MYZAP: variants seen among roughly 807,000 people sequenced by gnomAD.
MYZAP encodes the protein GRINL1A complex locus upstream.
Under a neutral mutation model 69.4 loss-of-function variants are expected in MYZAP, and 66 were observed. That is an observed-to-expected ratio of 0.95 (90% CI 0.78 to 1.17). The LOEUF (loss-of-function observed/expected upper bound fraction) is 1.17, where lower values mean the gene tolerates loss of function less well. Among genes scored for constraint, MYZAP ranks in the 50% most tolerant of loss-of-function variants. The pLI is 0.00. For synonymous variants in MYZAP, 256 were observed against 205.9 expected, an observed-to-expected ratio of 1.24 and a Z score of -2.09; for missense variants, 611 against 556.2, an observed-to-expected ratio of 1.10 and a Z score of -0.99.
chr15:57,675,716 C>T (rs2039082991), intron 12 of MYZAP, among the ~76,000 whole-genome samples: 4 of 152,146 alleles, frequency 2.6e-5, no homozygotes, highest in South Asian at 2.1e-4. Flanking sequence ...TCCATGCTTG[C>T]GTCTCTTCCT....
intron 9 of MYZAP, 88 bp from the exon 10 acceptor site, chr15:57,639,352 G>T: frequency 7.1e-7 from 1 of 1,405,624 alleles, no homozygotes. Context: ...TGGCGCTCTT[G>T]GCAATATTCT....
chr15:57,624,914 A>G (rs2036036100), intron 4 of MYZAP, among the ~76,000 whole-genome samples: 1 of 152,160 alleles, frequency 6.6e-6, no homozygotes, highest in Non-Finnish European at 1.5e-5. Flanking sequence ...CCCAGAGGCC[A>G]CATGGGGGGC....
chr15:57,632,271 C>T (rs2036550107), intron 6 of MYZAP, among the ~76,000 whole-genome samples, 163 bp from the exon 7 acceptor site: 1 of 152,220 alleles, frequency 6.6e-6, no homozygotes, highest in Non-Finnish European at 1.5e-5. Context: ...CTGCTCACCC[C>T]TCTTCCTCCC....
At chr15:57,677,656 T>A (rs2039208884) in intron 12 of MYZAP, among the ~76,000 whole-genome samples, 1 of 152,222 alleles carries the variant, frequency 6.6e-6, no homozygotes, top group Non-Finnish European at 1.5e-5. Flanking sequence ...AAGCATTGAA[T>A]TAAGCCTGAG....
intron 10 of MYZAP, chr15:57,647,217 G>A (rs2037488940): frequency 4.1e-6 from 4 of 985,444 alleles, no homozygotes; most frequent in Non-Finnish European, 4.8e-6. Context: ...GGATGGGAAA[G>A]AAGCAGATGA....
chr15:57,682,885 A>G (rs924496246), intron 12 of MYZAP, among the ~76,000 whole-genome samples: 1 of 152,098 alleles, frequency 6.6e-6, no homozygotes, highest in Admixed American at 6.5e-5. Flanking sequence ...GCATCCTTCA[A>G]GATTCACCTT....
chr15:57,599,562 C>T, intron 1 of MYZAP: 2 of 1,284,472 alleles, frequency 1.6e-6, no homozygotes, highest in South Asian at 1.2e-5. Flanking sequence ...ATAACACAAG[C>T]CCTGAACCAG....
At position 57,632,463 on chromosome 15, in the gene MYZAP, G is replaced by C; in HGVS notation, c.708G>C (p.Glu236Asp). Residue 236 changes from glutamate to aspartate, a missense_variant, in exon 7 of 13, where the codon GAG becomes GAC. Transcript: ENST00000267853. ...AATCGTCCCAAGAAGCCAATGCTGA[G>C]GTGATGCGAGAGATGACCAAGAAGC... ...KVESSQEANA[E>D]VMREMTKKLY... 1 of 1,614,194 alleles carries C rather than the reference G, an allele frequency of 6.2e-7. No individual in the cohort carries two copies. Among genetic ancestry groups the C allele is most frequent in the Non-Finnish European group, 8.5e-7 (1 of 1,180,026 alleles).
At chr15:57,682,404 A>C (rs942527768) in intron 12 of MYZAP, among the ~76,000 whole-genome samples, 1 of 152,008 alleles carries the variant, frequency 6.6e-6, no homozygotes, top group African/African-American at 2.4e-5. Context: ...TGTCTTAGTC[A>C]CCTAATCCTG....
chr15:57,662,313 C>T (rs559688534), intron 11 of MYZAP, among the ~76,000 whole-genome samples: 4 of 152,296 alleles, frequency 2.6e-5, no homozygotes, highest in East Asian at 3.9e-4. Flanking sequence ...CTGTGTTCCT[C>T]GTTATAGTCC....
At chr15:57,629,088 C>CAAAAAAAAAAAAAAAA (rs1274144448) in intron 5 of MYZAP, among the ~76,000 whole-genome samples, 51 of 115,070 alleles carry the variant, frequency 4.4e-4, no homozygotes, top group East Asian at 1.1e-3. Flanking sequence ...GTCTCAAAAA[C>CAAAAAAAAAAAAAAAA]AAAAAAAAAA....
intron 2 of MYZAP, 85 bp from the exon 3 acceptor site, chr15:57,617,948 A>G (rs2035576510): frequency 6.7e-7 from 1 of 1,502,710 alleles, no homozygotes; most frequent in African/African-American, 1.4e-5. Context: ...AATTTGCATA[A>G]TCATACACAG....
At chr15:57,670,757 G>C (rs1006618124) in intron 11 of MYZAP, among the ~76,000 whole-genome samples, 1 of 151,758 alleles carries the variant, frequency 6.6e-6, no homozygotes, top group Admixed American at 6.6e-5. Flanking sequence ...CATTTTTGCT[G>C]TGTCTCTTTT....
At chr15:57,657,205 G>A (rs1310189382) in intron 10 of MYZAP, among the ~76,000 whole-genome samples, 1 of 152,166 alleles carries the variant, frequency 6.6e-6, no homozygotes, top group African/African-American at 2.4e-5. Context: ...TGAAACGAGT[G>A]TATTTGAAAT....
At chr15:57,646,962 G>C in intron 10 of MYZAP, 2 of 985,420 alleles carry the variant, frequency 2.0e-6, no homozygotes, top group Non-Finnish European at 2.4e-6. Context: ...ATCAGAACAT[G>C]GCAGTTTTGC....
At chr15:57,607,462 TA>T (rs112410315) in intron 2 of MYZAP, among the ~76,000 whole-genome samples, 3 of 151,412 alleles carry the variant, frequency 2.0e-5, no homozygotes, top group African/African-American at 4.9e-5. Context: ...CCCTCTTTTT[TA>T]AAAAAAAATC....
intron 5 of MYZAP, among the ~76,000 whole-genome samples, chr15:57,626,358 A>G (rs953471571): frequency 8.5e-5 from 13 of 152,240 alleles, no homozygotes; most frequent in African/African-American, 3.1e-4. Context: ...TGTATCAGAA[A>G]GAATCATGGA....
At chr15:57,621,018 T>C (rs2035771459) in intron 3 of MYZAP, among the ~76,000 whole-genome samples, 1 of 148,130 alleles carries the variant, frequency 6.8e-6, no homozygotes, top group African/African-American at 2.4e-5. Flanking sequence ...ATTTGATATA[T>C]TCTATATTAA....
intron 10 of MYZAP, among the ~76,000 whole-genome samples, chr15:57,657,950 G>A (rs1361037086): frequency 6.6e-6 from 1 of 152,196 alleles, no homozygotes; most frequent in Non-Finnish European, 1.5e-5. Flanking sequence ...TTAATAGGTA[G>A]TCAAGGGTAA....
Sources: gnomAD v4.1 joint callset for allele counts (sites outside exome capture counted in the v4.1 genomes callset) on GRCh38, gnomAD v4.1.1 for gene constraint, MANE v1.5 for transcripts, NCBI Gene and HGNC (gene_info 2026-07-23, HGNC 2026-07-21) for gene names.